The following BPIFB4 variants were observed in gnomAD, a reference collection of about 807,000 sequenced individuals.
BPIFB4 encodes BPI fold-containing family B member 4.
BPIFB4 carries 62 observed loss-of-function variants against 69.2 expected under a neutral mutation model. The observed-to-expected ratio is 0.90, with a 90% confidence interval of 0.73 to 1.11. BPIFB4 has a LOEUF of 1.11. Ranked by LOEUF, BPIFB4 falls within the 50% of genes least tolerant of loss-of-function variation. BPIFB4 has a pLI of 0.00. For synonymous variants in BPIFB4, 330 were observed against 332.7 expected (o/e 0.99, Z 0.09); for missense variants, 789 against 792.0 (o/e 1.00, Z 0.04).
chr20:33,090,933 G>A (rs1600556801), intron 10 of BPIFB4, 134 bp downstream of exon 10: 2 of 1,051,376 alleles, frequency 1.9e-6, no homozygotes, highest in Non-Finnish European at 1.4e-6. Flanking sequence ...TTAGAAGAAG[G>A]CCTTCTAAGA....
chr20:33,105,395 C>T (rs1053945751), intron 16 of BPIFB4, among the ~76,000 whole-genome samples: 1 of 152,248 alleles, frequency 6.6e-6, no homozygotes, highest in Non-Finnish European at 1.5e-5. Context: ...TCCCCAGCCT[C>T]CTTCCTAGCC....
chr20:33,079,908 G>A (rs148507988), intron 1 of BPIFB4, among the ~76,000 whole-genome samples: 64 of 152,310 alleles, frequency 4.2e-4, no homozygotes, highest in African/African-American at 9.6e-4. Context: ...ACATGCATGC[G>A]CAGAGCTGCA....
rs146919462 is a variant in BPIFB4, at chr20:33,104,831, G to C, written c.1702G>C (p.Val568Leu). 1.5e-4 allele frequency: 247 copies of C among 1,614,182 alleles called. 1 individual carries two copies. The African/African-American group carries it at 2.9e-3, about 19-fold the overall frequency. ...NFDIGLMEVL[V>L]EKIFDLAFMP... ...GCAGATTGGCCTCATGGAGGTGCTGGTGGAGAAGATTTTTGACCTGGCATT... is the reference window on the plus strand; with the variant it reads ...GCAGATTGGCCTCATGGAGGTGCTGCTGGAGAAGATTTTTGACCTGGCATT... Residue 568 changes from valine (V) to leucine (L), a missense_variant, in exon 16 of 18, where the codon GTG (valine) becomes CTG (leucine). Val to Leu is a conservative substitution (Grantham distance 32). Around this residue, in one of 3 missense-constraint regions of BPIFB4, gnomAD observed 170 missense variants for 193.6 expected, o/e 0.88. Transcript: ENST00000375483.
intron 15 of BPIFB4, 22 bp downstream of exon 15, chr20:33,103,036 C>T (rs954105849): frequency 1.2e-6 from 2 of 1,611,286 alleles, no homozygotes; most frequent in Non-Finnish European, 1.7e-6. Context: ...GTTTAGTTCC[C>T]AGGGCAAGAT....
rs774328912 is a variant in BPIFB4, at chr20:33,100,381, A to C, written c.1570-45A>C. 9.3e-6 allele frequency: 14 copies of C among 1,510,636 alleles called. 1 individual carries two copies. In the South Asian group the frequency reaches 1.6e-4, roughly 17 times the overall value. 93.6% of individuals were successfully genotyped at this position (1,510,636 alleles called of 1,614,324 possible). A position where few individuals can be genotyped will look rare whatever the true frequency, so the allele number is the denominator to read the frequency against. ...AATGAGCCTTTGGCAAGCACTGGCC[A>C]AGACATGAAGGCAGTGACGTCTTTC... On this transcript the variant is annotated intron_variant, in intron 13 of 17. Coordinates refer to ENST00000375483, the MANE Select transcript of BPIFB4 (RefSeq NM_182519.3).
chr20:33,085,316 G>C (rs535292351), intron 6 of BPIFB4, among the ~76,000 whole-genome samples: 1 of 151,952 alleles, frequency 6.6e-6, no homozygotes, highest in East Asian at 1.9e-4. Flanking sequence ...TGGGCTGGGC[G>C]TGGTGGCAGG....
At position 33,095,252 on chromosome 20, in the gene BPIFB4, G is replaced by A. The variant is rs1418434841; in HGVS notation, c.1398+99G>A. 3.9e-6 allele frequency: 5 copies of A among 1,298,214 alleles called. No individual in the cohort carries two copies. In the African/African-American group the frequency reaches 4.4e-5, roughly 11 times the overall value. 80.4% of individuals were successfully genotyped at this position (1,298,214 alleles called of 1,614,324 possible). On this transcript the variant is annotated intron_variant, in intron 12 of 17. Transcript: ENST00000375483. ...AAGATGCTCAGCGCTGGGGTGGGGTGCTCTCCCCCGAACCCCTGCTTGGGA... is the reference window on the plus strand; with the variant it reads ...AAGATGCTCAGCGCTGGGGTGGGGTACTCTCCCCCGAACCCCTGCTTGGGA...
At chr20:33,107,349 G>A (rs747222332) in intron 16 of BPIFB4, among the ~76,000 whole-genome samples, 2 of 152,146 alleles carry the variant, frequency 1.3e-5, no homozygotes, top group Non-Finnish European at 2.9e-5. Context: ...TCAGTACTTT[G>A]GGAGGCCGAG....
At chr20:33,080,152 A>T (rs1981186148) in intron 1 of BPIFB4, among the ~76,000 whole-genome samples, 1 of 151,930 alleles carries the variant, frequency 6.6e-6, no homozygotes, top group African/African-American at 2.4e-5. Flanking sequence ...AATGCCTCTA[A>T]TATTCTTCTG....
chr20:33,092,326 G>C, intron 10 of BPIFB4, 132 bp from the exon 11 acceptor site: 1 of 691,886 alleles, frequency 1.4e-6, no homozygotes, highest in South Asian at 1.9e-5. Context: ...ATGCATCAAA[G>C]AGCCACTCAG....
In BPIFB4 at chr20:33,097,805, C is replaced by T; in HGVS notation, c.1569+18C>T. 1 of 1,596,614 alleles carries T rather than the reference C, an allele frequency of 6.3e-7. No homozygotes were observed. Among genetic ancestry groups the T allele is most frequent in the East Asian group, 2.3e-5 (1 of 44,074 alleles). Reference sequence around the variant, plus strand: ...TTGACGTGGTGAGTGTCTGGAGGTACTGGTGGCCTCCAGCTGGGCCTCAAG... The same window carrying T: ...TTGACGTGGTGAGTGTCTGGAGGTATTGGTGGCCTCCAGCTGGGCCTCAAG... On this transcript the variant is annotated intron_variant, in intron 13 of 17. Coordinates refer to ENST00000375483, the MANE Select transcript of BPIFB4 (RefSeq NM_182519.3).
Position 33,092,528 on chromosome 20 carries a change from C to T in BPIFB4, c.1214C>T (p.Pro405Leu), listed in dbSNP as rs17122711. 0.02 allele frequency: 32,790 copies of T among 1,614,078 alleles called. 533 individuals carry two copies. The highest frequency in any genetic ancestry group is 0.081 in the African/African-American group (6,051 of 75,034). The change falls in exon 11 of 18, where the codon CCG (proline) becomes CTG (leucine). Residue 405 changes from proline to leucine, a missense_variant. Physicochemically the swap from Pro to Leu is moderately conservative, Grantham distance 98. Transcript: ENST00000375483. ...PLGWPAVSPKPMPELPPMGDN... is the reference protein window; with the variant it reads ...PLGWPAVSPKLMPELPPMGDN... ...GGGTGGCCAGCTGTGTCTCCCAAGC[C>T]GATGCCAGAGCTGCCTCCCATGGGT...
At chr20:33,094,108 T>A (rs1246766817) in intron 11 of BPIFB4, among the ~76,000 whole-genome samples, 1 of 152,242 alleles carries the variant, frequency 6.6e-6, no homozygotes, top group Non-Finnish European at 1.5e-5. Context: ...AACACTTGCT[T>A]CCATTAAGAG....
intron 6 of BPIFB4, 75 bp from the exon 7 acceptor site, chr20:33,085,946 A>T (rs2146404135): frequency 6.6e-7 from 1 of 1,507,838 alleles, no homozygotes; most frequent in Non-Finnish European, 9.2e-7. Flanking sequence ...GACAGCAAGG[A>T]CAGGCCTGGG....
intron 13 of BPIFB4, among the ~76,000 whole-genome samples, chr20:33,098,699 C>T (rs149225026): frequency 0.035 from 5,262 of 149,450 alleles, 154 homozygotes; most frequent in African/African-American, 0.084. Context: ...GAGCCGAGAT[C>T]GCACCACTGC....
intron 10 of BPIFB4, among the ~76,000 whole-genome samples, chr20:33,091,335 C>T (rs1981593956): frequency 6.6e-6 from 1 of 152,222 alleles, no homozygotes; most frequent in African/African-American, 2.4e-5. Context: ...TCATGGACAG[C>T]TTCAAGTTAC....
chr20:33,084,344 C>A (rs749716475), intron 5 of BPIFB4, among the ~76,000 whole-genome samples: 18 of 152,202 alleles, frequency 1.2e-4, no homozygotes, highest in Non-Finnish European at 2.6e-4. Context: ...AGAAAAGACA[C>A]ATTCTCTGTC....
chr20:33,095,265 C>A, intron 12 of BPIFB4, 112 bp downstream of exon 12: 1 of 1,190,630 alleles, frequency 8.4e-7, no homozygotes. Context: ...CTCCCCCGAA[C>A]CCCTGCTTGG....
At chr20:33,096,483 C>A (rs944309576) in intron 12 of BPIFB4, among the ~76,000 whole-genome samples, 3 of 152,150 alleles carry the variant, frequency 2.0e-5, no homozygotes, top group Non-Finnish European at 4.4e-5. Flanking sequence ...CCATGTTGAC[C>A]AGGCTGGTCT....
Sources: gnomAD v4.1 joint callset for allele counts (sites outside exome capture counted in the v4.1 genomes callset) on GRCh38, gnomAD v4.1.1 for gene constraint, gnomAD v4.1.1 regional missense constraint, MANE v1.5 for transcripts, NCBI Gene and HGNC (gene_info 2026-07-23, HGNC 2026-07-21) for gene names.